Variants in DROSHA observed in about 807,000 individuals in gnomAD.
The protein encoded by DROSHA is drosha ribonuclease III.
A neutral mutation model predicts 181.9 loss-of-function variants in DROSHA; 56 were observed. The ratio of observed to expected loss-of-function variants is 0.31; its 90% CI spans 0.25 to 0.38. The LOEUF (loss-of-function observed/expected upper bound fraction) is 0.38. DROSHA is among the 10% of genes least tolerant of loss of function. DROSHA has a pLI of 1.00. For synonymous variants in DROSHA, 524 were observed against 591.2 expected (o/e 0.89, Z 1.65); for missense variants, 1,218 against 1,743.5 (o/e 0.70, Z 5.37).
chr5:31,495,225 T>A (rs1752834511), intron 12 of DROSHA, 61 bp downstream of exon 12: 2 of 1,492,220 alleles, frequency 1.3e-6, no homozygotes, highest in African/African-American at 2.8e-5. Context: ...AACTTTAGCC[T>A]ATTCACATTT....
In DROSHA at chr5:31,429,458, T is replaced by A. The variant is rs560399959; in HGVS notation, c.3216+17A>T. The A allele has an allele frequency of 1.9e-6, 3 of 1,597,988 alleles. No homozygotes were observed. The African/African-American group carries it at 4.1e-5, about 22-fold the overall frequency. On this transcript the variant is annotated intron_variant, in intron 27 of 35. Coordinates refer to ENST00000344624, the MANE Select transcript of DROSHA (RefSeq NM_001382508.1). The stretch of plus-strand genomic sequence containing the variant: ...ATAATATATAACAAAAAAAATCAAA[T>A]GATTCCATAGAAATACCGGATCATT...
chr5:31,485,123 T>C (rs7712436), intron 14 of DROSHA, among the ~76,000 whole-genome samples, 161 bp from the exon 15 acceptor site: 143,062 of 152,272 alleles, frequency 0.94, 67,592 homozygotes, highest in East Asian at 1. Context: ...TAGTTTCAGA[T>C]GGAAATGAAA....
intron 13 of DROSHA, among the ~76,000 whole-genome samples, chr5:31,491,396 T>C (rs1416493521): frequency 1.3e-5 from 2 of 152,164 alleles, no homozygotes; most frequent in African/African-American, 2.4e-5. Flanking sequence ...CTTATAAAGA[T>C]TGAAATGTCA....
At chr5:31,452,965 CAA>C (rs1241876551) in intron 20 of DROSHA, among the ~76,000 whole-genome samples, 1 of 152,172 alleles carries the variant, frequency 6.6e-6, no homozygotes, top group Non-Finnish European at 1.5e-5. Context: ...CATGCACAAC[CAA>C]AGTCTAATAG....
At chr5:31,484,009 AAT>A (rs1751384323) in intron 15 of DROSHA, among the ~76,000 whole-genome samples, 1 of 152,192 alleles carries the variant, frequency 6.6e-6, no homozygotes, top group South Asian at 2.1e-4. Flanking sequence ...CTAAAAAAAA[AAT>A]GTTGAGAAAT....
rs112031112 is a variant in DROSHA at position 31,410,616 on chromosome 5, C to CATAA, written c.3667+126_3667+129dup. 7.4e-5 allele frequency: 99 copies of CATAA among 1,334,750 alleles called. No individual in the cohort carries two copies. The African/African-American group carries it at 1.3e-3, about 17-fold the overall frequency. 82.7% of individuals were successfully genotyped at this position (1,334,750 alleles called of 1,614,324 possible). A position where few individuals can be genotyped will look rare whatever the true frequency, so the allele number is the denominator to read the frequency against. On this transcript the variant is annotated intron_variant, in intron 31 of 35. Coordinates refer to ENST00000344624, the MANE Select transcript of DROSHA (RefSeq NM_001382508.1). ...CCTTCAGAAAAGCTTTGGTAAAAAG[C>CATAA]ATAAAAAATTAAAATAGCAAACAAG...
chr5:31,492,039 C>T (rs1752486615), intron 13 of DROSHA, among the ~76,000 whole-genome samples: 1 of 152,238 alleles, frequency 6.6e-6, no homozygotes, highest in African/African-American at 2.4e-5. Context: ...AGTGATCTGC[C>T]TACCTCGACC....
intron 4 of DROSHA, 72 bp from the exon 5 acceptor site, chr5:31,526,984 A>G (rs1011391632): frequency 2.6e-5 from 37 of 1,403,234 alleles, no homozygotes; most frequent in Non-Finnish European, 3.6e-5. Context: ...AGGGTTTCAT[A>G]AATGCCTGAC....
At position 31,514,080 on chromosome 5, in the gene DROSHA, T is replaced by A. The variant is rs554341302; in HGVS notation, c.1290+908A>T. 2.6e-5 allele frequency among the ~76,000 whole-genome samples: 4 copies of A among 152,174 alleles called. No homozygotes were observed. Among genetic ancestry groups the A allele is most frequent in the Non-Finnish European group, 5.9e-5 (4 of 68,030 alleles). On this transcript the variant is annotated intron_variant, in intron 8 of 35. Transcript: ENST00000344624. This position sits in a 1 kb window ranked among gnomAD's most constrained non-coding sequence, Gnocchi z 4.4. ...CAGCATGTGCTCTAGGAGTCCTCCCTCCAGCCCATTAAGGGTGACAATGGC... is the reference window on the plus strand; with the variant it reads ...CAGCATGTGCTCTAGGAGTCCTCCCACCAGCCCATTAAGGGTGACAATGGC...
intron 27 of DROSHA, 115 bp downstream of exon 27, chr5:31,429,360 G>A (rs1743862872): frequency 1.1e-6 from 1 of 936,444 alleles, no homozygotes; most frequent in African/African-American, 1.7e-5. Flanking sequence ...CCCATCTATG[G>A]TAGATCTGAC....
In DROSHA at chr5:31,515,193, CTCT is replaced by C. The variant is rs1160990080; in HGVS notation, c.1082_1084del (p.Lys361del). ...GTCTTTTTCTTCCTCCCAACGAGCT[CTCT>C]TCTTCTCCCTACTTGGGGAGCGACT... On this transcript the variant is annotated inframe_deletion, in exon 8 of 36. Transcript: ENST00000344624. 5 of 1,613,036 alleles carry C rather than the reference CTCT, an allele frequency of 3.1e-6. No homozygotes were observed. The highest frequency in any genetic ancestry group is 1.3e-5 in the African/African-American group (1 of 74,754).
intron 34 of DROSHA, 67 bp downstream of exon 34, chr5:31,406,786 T>C: frequency 1.4e-6 from 2 of 1,425,904 alleles, no homozygotes; most frequent in Non-Finnish European, 2.0e-6. Flanking sequence ...AGTTTGGAGA[T>C]AGCAGCTAGG....
At chr5:31,430,305 GT>G (rs1405516005) in intron 26 of DROSHA, among the ~76,000 whole-genome samples, 1 of 152,154 alleles carries the variant, frequency 6.6e-6, no homozygotes, top group African/African-American at 2.4e-5. Context: ...AAACACTTAT[GT>G]CCTGGGTACC....
intron 30 of DROSHA, among the ~76,000 whole-genome samples, chr5:31,415,053 A>AT (rs1412206398): frequency 3.2e-4 from 49 of 152,378 alleles, no homozygotes; most frequent in Non-Finnish European, 5.6e-4. Flanking sequence ...GTTTTCTATT[A>AT]TGCCAGCATA....
intron 14 of DROSHA, 91 bp from the exon 15 acceptor site, chr5:31,485,053 G>A (rs1751569327): frequency 1.1e-6 from 1 of 908,692 alleles, no homozygotes; most frequent in Non-Finnish European, 1.7e-6. Flanking sequence ...GTCTTTAAAA[G>A]TGTCTGTTAA....
intron 8 of DROSHA, 104 bp from the exon 9 acceptor site, chr5:31,511,280 C>A: frequency 1.8e-6 from 2 of 1,129,524 alleles, no homozygotes; most frequent in Non-Finnish European, 1.2e-6. Flanking sequence ...CAGCAAGATG[C>A]TATTTTTCAA....
chr5:31,407,661 C>T (rs576815999), intron 33 of DROSHA, among the ~76,000 whole-genome samples: 26 of 152,142 alleles, frequency 1.7e-4, no homozygotes, highest in African/African-American at 6.3e-4. Context: ...GTAAAACAAC[C>T]CCATGATCTT....
At position 31,442,235 on chromosome 5, in the gene DROSHA, G is replaced by T. The variant is rs139707536; in HGVS notation, c.2883-4937C>A. 2.6e-5 allele frequency among the ~76,000 whole-genome samples: 4 copies of T among 152,264 alleles called. No individual in the cohort carries two copies. The East Asian group carries it at 7.7e-4, about 29-fold the overall frequency. Reference sequence around the variant, plus strand: ...GCCCAAATCCAACATATGTTTTTCTGTATCTACATTATGACTAAACTCTGG... The same window carrying T: ...GCCCAAATCCAACATATGTTTTTCTTTATCTACATTATGACTAAACTCTGG... On this transcript the variant is annotated intron_variant, in intron 23 of 35. Transcript: ENST00000344624.
chr5:31,484,373 T>G (rs1580255943), intron 15 of DROSHA, among the ~76,000 whole-genome samples: 1 of 89,654 alleles, frequency 1.1e-5, no homozygotes, highest in African/African-American at 5.2e-5. Context: ...AGAGCGAGAC[T>G]CCGTCTCAAA....
Sources: gnomAD v4.1 joint callset for allele counts (sites outside exome capture counted in the v4.1 genomes callset) on GRCh38, gnomAD v4.1.1 for gene constraint, Gnocchi (gnomAD v3.1) non-coding constraint, MANE v1.5 for transcripts, NCBI Gene and HGNC (gene_info 2026-07-23, HGNC 2026-07-21) for gene names.